The following NCK2 variants were observed in gnomAD, a reference collection of about 807,000 sequenced individuals.
NCK2 encodes the protein cytoplasmic protein NCK2.
In NCK2, 16 loss-of-function variants were observed where a neutral mutation model predicts 33.9. The observed-to-expected ratio is 0.47, with a 90% CI of 0.32 to 0.72. The LOEUF is 0.72. Among genes scored for constraint, NCK2 ranks in the 30% least tolerant of loss-of-function variants. NCK2 has a pLI of 0.03. For missense variants in NCK2, 418 were observed against 537.3 expected, an observed-to-expected ratio of 0.78 and a Z score of 2.19; for synonymous variants, 273 against 239.9, an observed-to-expected ratio of 1.14 and a Z score of -1.27.
intron 1 of NCK2, among the ~76,000 whole-genome samples, chr2:105,771,514 G>A (rs746789660): frequency 6.6e-5 from 10 of 152,114 alleles, no homozygotes; most frequent in Non-Finnish European, 8.8e-5. Context: ...GCAGTAAGCC[G>A]AGATTGGGCC....
intron 1 of NCK2, among the ~76,000 whole-genome samples, chr2:105,746,986 G>A (rs1689308605): frequency 6.6e-6 from 1 of 152,176 alleles, no homozygotes; most frequent in African/African-American, 2.4e-5. Flanking sequence ...TGAAACACTG[G>A]ATGAAATTGG....
At chr2:105,787,667 G>A (rs1248944257) in intron 1 of NCK2, among the ~76,000 whole-genome samples, 1 of 152,100 alleles carries the variant, frequency 6.6e-6, no homozygotes, top group Non-Finnish European at 1.5e-5. Context: ...TCCCTGCGGT[G>A]GAGACTCCAC....
chr2:105,817,619 G>A (rs1290884155), intron 2 of NCK2, among the ~76,000 whole-genome samples: 1 of 152,100 alleles, frequency 6.6e-6, no homozygotes, highest in Non-Finnish European at 1.5e-5. Context: ...GTGGGCAAAG[G>A]ATATGAACAG....
chr2:105,884,169 C>T (rs962118359), intron 4 of NCK2, among the ~76,000 whole-genome samples: 1 of 152,208 alleles, frequency 6.6e-6, no homozygotes, highest in African/African-American at 2.4e-5. Context: ...AAGGCGTTCT[C>T]AGCTGTCATC....
At chr2:105,874,007 G>A (rs1030658627) in intron 3 of NCK2, among the ~76,000 whole-genome samples, 3 of 152,180 alleles carry the variant, frequency 2.0e-5, no homozygotes, top group Admixed American at 1.3e-4. Context: ...GGGAAGGCTC[G>A]GGGTGAGATG....
In NCK2 at chr2:105,808,515, C is replaced by T. The variant is rs188848162; in HGVS notation, c.-200-7915C>T. ...ACATAGTCAGTGCTGGATCCCTGCT[C>T]TTGAGAAAGGATCTTTCATCGAAGG... is the stretch of plus-strand genomic sequence containing the variant. On this transcript the variant is annotated intron_variant, in intron 1 of 4. Transcript: ENST00000233154. Among the ~76,000 whole-genome samples the T allele has an allele frequency of 2.2e-3, 334 of 152,314 alleles. 1 individual carries two copies. Among genetic ancestry groups the T allele is most frequent in the Non-Finnish European group, 3.8e-3 (258 of 68,028 alleles).
chr2:105,806,766 G>T (rs1675060479), intron 1 of NCK2, among the ~76,000 whole-genome samples: 1 of 152,090 alleles, frequency 6.6e-6, no homozygotes, highest in African/African-American at 2.4e-5. Flanking sequence ...ATGCAGTGCG[G>T]TATTTTCAGT....
intron 3 of NCK2, among the ~76,000 whole-genome samples, chr2:105,877,363 A>G (rs1251131662): frequency 1.3e-5 from 2 of 152,174 alleles, no homozygotes; most frequent in South Asian, 2.1e-4. Context: ...GGCTCTGGCC[A>G]TTGGGCAGGA....
chr2:105,889,786 A>G (rs72937747), intron 4 of NCK2, among the ~76,000 whole-genome samples: 3 of 151,926 alleles, frequency 2.0e-5, no homozygotes, highest in Non-Finnish European at 4.4e-5. Context: ...GGGTCCCACT[A>G]TGTTGCCCAG....
chr2:105,745,810 G>C (rs1045889402), intron 1 of NCK2: 1 of 152,238 alleles, frequency 6.6e-6, no homozygotes, highest in Non-Finnish European at 1.5e-5. Context: ...ATGAACCAAA[G>C]TTTCTCACAA....
chr2:105,843,416 G>T (rs1676724634), intron 2 of NCK2, among the ~76,000 whole-genome samples: 1 of 149,720 alleles, frequency 6.7e-6, no homozygotes. Context: ...AAAAAACCTA[G>T]CCCTCCCCTC....
intron 3 of NCK2, 74 bp downstream of exon 3, chr2:105,855,363 C>T: frequency 2.0e-6 from 2 of 1,025,280 alleles, no homozygotes; most frequent in Admixed American, 4.9e-5. Context: ...AGTTAGTTTG[C>T]TGTTTCAAAA....
intron 4 of NCK2, among the ~76,000 whole-genome samples, chr2:105,884,369 C>T (rs1558887205): frequency 6.6e-6 from 1 of 152,192 alleles, no homozygotes; most frequent in African/African-American, 2.4e-5. Context: ...TGACATAATT[C>T]CTTCGCAGCA....
chr2:105,855,354 G>T, intron 3 of NCK2, 65 bp downstream of exon 3: 4 of 1,168,838 alleles, frequency 3.4e-6, no homozygotes, highest in Non-Finnish European at 4.6e-6. Context: ...CGTCTTTCTA[G>T]TTAGTTTGCT....
intron 1 of NCK2, among the ~76,000 whole-genome samples, chr2:105,789,397 A>G (rs1215739391): frequency 6.6e-6 from 1 of 152,198 alleles, no homozygotes; most frequent in Non-Finnish European, 1.5e-5. Context: ...CATGTTGGCC[A>G]GGCTGGTCTC....
At chr2:105,763,783 G>A (rs1192713735) in intron 1 of NCK2, among the ~76,000 whole-genome samples, 2 of 152,194 alleles carry the variant, frequency 1.3e-5, no homozygotes, top group Non-Finnish European at 2.9e-5. Context: ...TTTTGACCCT[G>A]TGTTTAAAGA....
At chr2:105,756,362 C>G (rs1327638976) in intron 1 of NCK2, among the ~76,000 whole-genome samples, 1 of 152,154 alleles carries the variant, frequency 6.6e-6, no homozygotes, top group African/African-American at 2.4e-5. Context: ...TTCAGTCATC[C>G]TATCTCATAT....
At chr2:105,756,487 C>T (rs1689602184) in intron 1 of NCK2, among the ~76,000 whole-genome samples, 1 of 152,174 alleles carries the variant, frequency 6.6e-6, no homozygotes, top group South Asian at 2.1e-4. Context: ...CACCTTGTAT[C>T]ATTTGATTCT....
chr2:105,751,904 A>G (rs896469020), intron 1 of NCK2, among the ~76,000 whole-genome samples: 4 of 152,272 alleles, frequency 2.6e-5, no homozygotes, highest in African/African-American at 7.2e-5. Context: ...AGATGTAATC[A>G]TAATGTTCTG....
Sources: gnomAD v4.1 joint callset for allele counts (sites outside exome capture counted in the v4.1 genomes callset) on GRCh38, gnomAD v4.1.1 for gene constraint, MANE v1.5 for transcripts, NCBI Gene and HGNC (gene_info 2026-07-23, HGNC 2026-07-21) for gene names.